LINGO2: variants seen among roughly 807,000 people sequenced by gnomAD.
LINGO2 encodes leucine-rich repeat and immunoglobulin-like domain-containing nogo receptor-interacting protein 2.
A neutral mutation model predicts 30.6 loss-of-function variants in LINGO2; 14 were observed. That is an observed-to-expected ratio of 0.46 (90% CI 0.30 to 0.72). The LOEUF is 0.72. Among genes scored for constraint, LINGO2 ranks in the 30% least tolerant of loss-of-function variants. LINGO2 has a pLI of 0.07. For missense variants in LINGO2, 729 were observed against 751.7 expected, an observed-to-expected ratio of 0.97 and a Z score of 0.35; for synonymous variants, 317 against 288.5, an observed-to-expected ratio of 1.10 and a Z score of -1.00.
chr9:28,441,954 T>A (rs1824215135), intron 2 of LINGO2, among the ~76,000 whole-genome samples: 1 of 152,228 alleles, frequency 6.6e-6, no homozygotes, highest in African/African-American at 2.4e-5. Flanking sequence ...TTTTCTATTG[T>A]ACATGCTCTT....
the LINGO2 span, among the ~76,000 whole-genome samples, chr9:29,074,508 T>C: frequency 1.3e-5 from 2 of 152,086 alleles, no homozygotes; most frequent in Admixed American, 1.3e-4. Context: ...AGACTGTATC[T>C]TCTCATCAAT....
At chr9:29,171,473 T>C in the LINGO2 span, among the ~76,000 whole-genome samples, 1 of 152,034 alleles carries the variant, frequency 6.6e-6, no homozygotes, top group South Asian at 2.1e-4. Flanking sequence ...GGTATTTGGA[T>C]TTCCGTCAGT....
chr9:28,474,841 A>G (rs972682272), intron 2 of LINGO2, among the ~76,000 whole-genome samples: 13 of 152,216 alleles, frequency 8.5e-5, no homozygotes, highest in Non-Finnish European at 1.5e-4. Flanking sequence ...CACCATGAGG[A>G]TTATGGATAT....
At chr9:28,628,623 G>T (rs1160170190) in intron 1 of LINGO2, among the ~76,000 whole-genome samples, 1 of 152,000 alleles carries the variant, frequency 6.6e-6, no homozygotes, top group Non-Finnish European at 1.5e-5. Context: ...TGTGTGAGTG[G>T]TATTTAATGA....
the LINGO2 span, among the ~76,000 whole-genome samples, chr9:28,686,250 G>T: frequency 6.6e-6 from 1 of 151,878 alleles, no homozygotes; most frequent in Admixed American, 6.6e-5. Flanking sequence ...GTAATATAAT[G>T]CAAATGCTTG....
chr9:28,190,036 CTA>C (rs916118390), intron 4 of LINGO2, among the ~76,000 whole-genome samples: 18 of 152,130 alleles, frequency 1.2e-4, no homozygotes, highest in African/African-American at 4.3e-4. Flanking sequence ...GTCCATGAAT[CTA>C]GGCAGAATTG....
At chr9:29,110,499 A>AT in the LINGO2 span, among the ~76,000 whole-genome samples, 2 of 147,272 alleles carry the variant, frequency 1.4e-5, no homozygotes, top group Non-Finnish European at 1.5e-5. Context: ...CGCCCGGCTA[A>AT]TTTTTTGTAT....
rs149525565 is a variant in LINGO2 at position 28,137,055 on chromosome 9, G to C, written c.-86-124650C>G. 4.7e-3 allele frequency among the ~76,000 whole-genome samples: 719 copies of C among 152,180 alleles called. 8 individuals carry two copies. The highest frequency in any genetic ancestry group is 0.016 in the African/African-American group (680 of 41,512). ...TCCTGTTTCTTAGGTTTTCAGACTT[G>C]ATCTGGCACTATACCACTGGCTGCC... On this transcript the variant is annotated intron_variant, in intron 4 of 5. Transcript: ENST00000379992.
intron 5 of LINGO2, among the ~76,000 whole-genome samples, chr9:28,000,850 T>C (rs1821913434): frequency 6.6e-6 from 1 of 152,248 alleles, no homozygotes; most frequent in African/African-American, 2.4e-5. Flanking sequence ...TGGGAGCCAC[T>C]GTACTGTGAA....
intron 4 of LINGO2, among the ~76,000 whole-genome samples, chr9:28,074,277 A>T (rs7870640): frequency 0.06 from 9,149 of 152,254 alleles, 859 homozygotes; most frequent in African/African-American, 0.2. Flanking sequence ...TGAATATTTC[A>T]TCTTTTTGAT....
chr9:28,693,439 G>T, the LINGO2 span, among the ~76,000 whole-genome samples: 1 of 152,018 alleles, frequency 6.6e-6, no homozygotes, highest in Non-Finnish European at 1.5e-5. Context: ...GAGATGCAGG[G>T]ATTTTAAGAG....
chr9:28,873,883 AT>A, the LINGO2 span, among the ~76,000 whole-genome samples: 8 of 151,278 alleles, frequency 5.3e-5, no homozygotes, highest in South Asian at 6.3e-4. Flanking sequence ...AAATAAAAAA[AT>A]ATATATATAT....
the LINGO2 span, among the ~76,000 whole-genome samples, chr9:28,914,776 T>C: frequency 6.6e-6 from 1 of 152,200 alleles, no homozygotes; most frequent in Non-Finnish European, 1.5e-5. Flanking sequence ...GATGGCTGTA[T>C]ACAGTTACAA....
At chr9:28,465,195 G>T (rs1447573854) in intron 2 of LINGO2, among the ~76,000 whole-genome samples, 2 of 152,270 alleles carry the variant, frequency 1.3e-5, no homozygotes, top group African/African-American at 4.8e-5. Context: ...CTGGGTCCTT[G>T]TCCTCTCATT....
chr9:28,704,453 C>T, the LINGO2 span, among the ~76,000 whole-genome samples: 1,139 of 151,720 alleles, frequency 7.5e-3, 19 homozygotes, highest in African/African-American at 0.026. Context: ...CTTCCTGGAT[C>T]TGTGGCTTGG....
At chr9:29,095,157 A>G in the LINGO2 span, among the ~76,000 whole-genome samples, 1 of 138,508 alleles carries the variant, frequency 7.2e-6, no homozygotes, top group African/African-American at 2.7e-5. Flanking sequence ...GTTATTCCCT[A>G]AACTCCACAG....
intron 1 of LINGO2, among the ~76,000 whole-genome samples, chr9:28,659,178 T>G (rs1232430720): frequency 6.6e-6 from 1 of 151,994 alleles, no homozygotes. Flanking sequence ...CTTCTCTGGG[T>G]TTCCAGAAGA....
the LINGO2 span, among the ~76,000 whole-genome samples, chr9:28,697,565 T>C: frequency 6.6e-6 from 1 of 151,918 alleles, no homozygotes; most frequent in Non-Finnish European, 1.5e-5. Context: ...AAAGTCTGGG[T>C]CTTTGTAAAA....
intron 4 of LINGO2, among the ~76,000 whole-genome samples, chr9:28,260,404 AC>A: frequency 6.6e-6 from 1 of 151,926 alleles, no homozygotes; most frequent in East Asian, 1.9e-4. Flanking sequence ...TTGACTTCAA[AC>A]TTTTAATTCT....
Sources: gnomAD v4.1 joint callset for allele counts (sites outside exome capture counted in the v4.1 genomes callset) on GRCh38, gnomAD v4.1.1 for gene constraint, MANE v1.5 for transcripts, NCBI Gene and HGNC (gene_info 2026-07-23, HGNC 2026-07-21) for gene names.